GLIS3: variants seen among roughly 807,000 people sequenced by gnomAD.
The protein encoded by GLIS3 is GLIS family zinc finger 3.
In GLIS3, 53 loss-of-function variants were observed where a neutral mutation model predicts 78.6. That is an observed-to-expected ratio of 0.67 (90% CI 0.54 to 0.85). The LOEUF (loss-of-function observed/expected upper bound fraction) is 0.85. Ranked by LOEUF, GLIS3 falls within the 40% of genes least tolerant of loss-of-function variation. The pLI is 0.00. For synonymous variants in GLIS3, 684 were observed against 509.9 expected, an observed-to-expected ratio of 1.34 and a Z score of -4.60; for missense variants, 1,703 against 1,231.1, an observed-to-expected ratio of 1.38 and a Z score of -5.74.
intron 2 of GLIS3, among the ~76,000 whole-genome samples, chr9:4,274,166 G>A (rs1163149541): frequency 1.3e-5 from 2 of 152,122 alleles, no homozygotes; most frequent in Non-Finnish European, 2.9e-5. Context: ...ACTGGACAAT[G>A]GGTCTTGGCC....
chr9:4,094,748 G>A (rs1829804968), intron 4 of GLIS3, among the ~76,000 whole-genome samples: 1 of 152,118 alleles, frequency 6.6e-6, no homozygotes, highest in Non-Finnish European at 1.5e-5. Flanking sequence ...AAATTAGGAG[G>A]TCTTAAAATT....
intron 4 of GLIS3, among the ~76,000 whole-genome samples, chr9:3,990,262 G>C (rs932231358): frequency 6.6e-6 from 1 of 152,156 alleles, no homozygotes; most frequent in Non-Finnish European, 1.5e-5. Flanking sequence ...AGCAAGGGGA[G>C]GGAATGTTAC....
At chr9:4,291,860 C>T (rs1393001038) in intron 1 of GLIS3, among the ~76,000 whole-genome samples, 1 of 152,098 alleles carries the variant, frequency 6.6e-6, no homozygotes, top group Non-Finnish European at 1.5e-5. Flanking sequence ...TCATATCCTC[C>T]TAGTTTACTA....
At position 3,933,057 on chromosome 9, in the gene GLIS3, G is replaced by A. The variant is rs1264634172; in HGVS notation, c.1873-587C>T. 2.2e-5 allele frequency: 5 copies of A among 223,930 alleles called. No homozygotes were observed. In the Admixed American group the frequency reaches 2.4e-4, roughly 11 times the overall value. 13.9% of individuals were successfully genotyped at this position (223,930 alleles called of 1,614,324 possible). A position where few individuals can be genotyped will look rare whatever the true frequency, so the allele number is the denominator to read the frequency against. On this transcript the variant is annotated intron_variant, in intron 5 of 10. Transcript: ENST00000381971. ...ATATTAGTTGCAGAGGTGTCCTGGT[G>A]TTGAGCCTGAGTTAAGTGAATAAGC...
Position 3,898,722 on chromosome 9 carries a change from G to C in GLIS3, c.2097C>G (p.Arg699=). The change falls in exon 7 of 11, where the codon CGC becomes CGG. Residue 699 remains arginine, a synonymous_variant. Coordinates refer to ENST00000381971, the MANE Select transcript of GLIS3 (RefSeq NM_001042413.2). ...AGAGGTCAGGCCCGGGTCCAGGGGA[G>C]CGTCCCACGGTCCCTTCAGCAGCAG... ...RDAAAEGTVG[R]SPGPGPDLYS... is the part of the protein sequence containing the mutation. The C allele has an allele frequency of 1.2e-6, 2 of 1,614,188 alleles. No individual in the cohort carries two copies. The highest frequency in any genetic ancestry group is 1.3e-5 in the African/African-American group (1 of 75,056).
chr9:4,321,575 C>G (rs1202900172), intron 2 of GLIS3, among the ~76,000 whole-genome samples: 4 of 146,252 alleles, frequency 2.7e-5, no homozygotes, highest in Non-Finnish European at 6.0e-5. Context: ...ATGAACATTT[C>G]AGAACTCCCC....
At chr9:4,343,404 G>A (rs1817861383) in intron 2 of GLIS3, among the ~76,000 whole-genome samples, 1 of 152,094 alleles carries the variant, frequency 6.6e-6, no homozygotes, top group Non-Finnish European at 1.5e-5. Context: ...ATTATAAAAG[G>A]TAAAAAAATA....
intron 2 of GLIS3, among the ~76,000 whole-genome samples, chr9:4,266,725 A>C (rs965156799): frequency 6.6e-6 from 1 of 152,222 alleles, no homozygotes; most frequent in African/African-American, 2.4e-5. Context: ...AAAATATGAT[A>C]AATAGTAAAA....
At chr9:4,327,149 A>G (rs558226968) in intron 2 of GLIS3, among the ~76,000 whole-genome samples, 132 of 152,316 alleles carry the variant, frequency 8.7e-4, no homozygotes, top group Middle Eastern at 3.4e-3. Flanking sequence ...TTAATGATGC[A>G]GTTGGTGTAG....
At chr9:3,877,139 G>A (rs1364670384) in intron 8 of GLIS3, among the ~76,000 whole-genome samples, 2 of 152,162 alleles carry the variant, frequency 1.3e-5, no homozygotes, top group African/African-American at 4.8e-5. Context: ...TGAGCTTCAC[G>A]ACATTGTGGA....
At chr9:4,110,905 A>T (rs568252209) in intron 4 of GLIS3, among the ~76,000 whole-genome samples, 1 of 152,354 alleles carries the variant, frequency 6.6e-6, no homozygotes, top group Non-Finnish European at 1.5e-5. Flanking sequence ...TGGAAAAATA[A>T]ATGTGTTTGG....
intron 2 of GLIS3, among the ~76,000 whole-genome samples, chr9:4,143,203 C>A: frequency 6.6e-6 from 1 of 152,032 alleles, no homozygotes; most frequent in Admixed American, 6.6e-5. Context: ...ATACCCATAA[C>A]CTTACATGGT....
rs148454756 is a variant in GLIS3 at position 4,058,729 on chromosome 9, C to A, written c.1710+59039G>T. ...AGTGCGGTAGCTCAAGCCTGTAATCCCAGCACTTTGGGAGGCCAAGGCGGG... is the reference window on the plus strand; with the variant it reads ...AGTGCGGTAGCTCAAGCCTGTAATCACAGCACTTTGGGAGGCCAAGGCGGG... On this transcript the variant is annotated intron_variant, in intron 4 of 10. Transcript: ENST00000381971. Among the ~76,000 whole-genome samples the A allele has an allele frequency of 6.0e-3, 911 of 152,178 alleles. 7 individuals carry two copies. The highest frequency in any genetic ancestry group is 0.021 in the African/African-American group (862 of 41,506).
the GLIS3 span, among the ~76,000 whole-genome samples, chr9:4,362,709 G>C: frequency 6.6e-6 from 1 of 152,156 alleles, no homozygotes; most frequent in Non-Finnish European, 1.5e-5. Flanking sequence ...CATCAAAGAG[G>C]AGGATGCATG....
intron 2 of GLIS3, among the ~76,000 whole-genome samples, chr9:4,239,057 T>C (rs1460948477): frequency 6.6e-6 from 1 of 151,236 alleles, no homozygotes; most frequent in Non-Finnish European, 1.5e-5. Flanking sequence ...ATGGTGTATA[T>C]GTGCCACACT....
the GLIS3 span, among the ~76,000 whole-genome samples, chr9:4,458,063 G>C: frequency 2.0e-5 from 3 of 151,942 alleles, no homozygotes; most frequent in African/African-American, 4.8e-5. Context: ...AGGATAGCAG[G>C]TATGCACCTG....
At chr9:4,490,086 GGC>G in the GLIS3 span, among the ~76,000 whole-genome samples, 1 of 152,236 alleles carries the variant, frequency 6.6e-6, no homozygotes, top group African/African-American at 2.4e-5. Context: ...TGCAGGTGCC[GGC>G]GCTGGAAATA....
intron 2 of GLIS3, among the ~76,000 whole-genome samples, chr9:4,237,202 A>G (rs1029938648): frequency 2.7e-5 from 4 of 145,786 alleles, no homozygotes; most frequent in Admixed American, 1.4e-4. Flanking sequence ...TATTTAGAAT[A>G]CAGAAAATAT....
intron 2 of GLIS3, among the ~76,000 whole-genome samples, chr9:4,239,478 C>T (rs993377102): frequency 6.6e-6 from 1 of 152,036 alleles, no homozygotes; most frequent in Non-Finnish European, 1.5e-5. Flanking sequence ...TTCCTAGAGA[C>T]CTAGAGCAAA....
Sources: gnomAD v4.1 joint callset for allele counts (sites outside exome capture counted in the v4.1 genomes callset) on GRCh38, gnomAD v4.1.1 for gene constraint, MANE v1.5 for transcripts, NCBI Gene and HGNC (gene_info 2026-07-23, HGNC 2026-07-21) for gene names.